The following FRK variants were observed in gnomAD, a reference collection of about 807,000 sequenced individuals.
FRK encodes fyn related Src family tyrosine kinase.
A neutral mutation model predicts 56.4 loss-of-function variants in FRK; 51 were observed. That is an observed-to-expected ratio of 0.90 (90% confidence interval 0.72 to 1.14). The LOEUF (loss-of-function observed/expected upper bound fraction) is 1.14. Among genes scored for constraint, FRK ranks in the 50% most tolerant of loss-of-function variants. The pLI, the probability that FRK is intolerant of heterozygous loss-of-function variation, is 0.00. For synonymous variants in FRK, 245 were observed against 217.9 expected (o/e 1.12, Z -1.10); for missense variants, 570 against 601.4 (o/e 0.95, Z 0.55).
At chr6:115,968,124 T>A (rs1467863118) in intron 3 of FRK, among the ~76,000 whole-genome samples, 3 of 152,228 alleles carry the variant, frequency 2.0e-5, no homozygotes, top group Non-Finnish European at 2.9e-5. Flanking sequence ...TATTTTTGCA[T>A]AATTAAATGT....
At chr6:116,036,480 A>G (rs1776484494) in intron 1 of FRK, among the ~76,000 whole-genome samples, 1 of 152,182 alleles carries the variant, frequency 6.6e-6, no homozygotes, top group African/African-American at 2.4e-5. Context: ...TTGAAAAATA[A>G]TTTGGGATCA....
chr6:116,020,755 T>C (rs1404004768), intron 1 of FRK, among the ~76,000 whole-genome samples: 3 of 152,196 alleles, frequency 2.0e-5, no homozygotes, highest in Non-Finnish European at 4.4e-5. Context: ...TTTTTCCAAC[T>C]CCTTGAGTTT....
chr6:116,019,389 A>C (rs746914471), intron 1 of FRK, among the ~76,000 whole-genome samples: 7 of 152,206 alleles, frequency 4.6e-5, no homozygotes, highest in Non-Finnish European at 1.0e-4. Flanking sequence ...GAATATAGAG[A>C]GAATATACTG....
chr6:115,966,061 T>A (rs796993814), intron 4 of FRK, among the ~76,000 whole-genome samples: 1,739 of 14,616 alleles, frequency 0.12, 25 homozygotes, highest in Non-Finnish European at 0.15. Flanking sequence ...AAAAAAAAAA[T>A]TAAAAAAAAA....
chr6:116,084,858 T>C, the FRK span, among the ~76,000 whole-genome samples: 1 of 152,224 alleles, frequency 6.6e-6, no homozygotes, highest in Non-Finnish European at 1.5e-5. Context: ...GTGATTATAA[T>C]GATTCTCTAT....
the FRK span, among the ~76,000 whole-genome samples, chr6:116,079,683 T>C: frequency 1.3e-5 from 2 of 152,146 alleles, no homozygotes; most frequent in African/African-American, 2.4e-5. Context: ...CTTGACCTTC[T>C]GGGCTAAAAT....
rs1562246606 is a variant in FRK, at chr6:115,942,534, CATG to C, written c.1395_1397del (p.Ile465del). ...TAGGCTCTGCATTCCAGCACTCCAA[CATG>C]ATGTTGTAAAATTGCTGTGGACAGT... is the stretch of plus-strand genomic sequence containing the variant. On this transcript the variant is annotated inframe_deletion, in exon 8 of 8. Transcript: ENST00000606080. 2 of 1,613,758 alleles carry C rather than the reference CATG, an allele frequency of 1.2e-6. No individual in the cohort carries two copies. The highest frequency in any genetic ancestry group is 1.7e-6 in the Non-Finnish European group (2 of 1,179,786).
intron 2 of FRK, among the ~76,000 whole-genome samples, chr6:115,988,652 G>A (rs1335703289): frequency 1.3e-5 from 2 of 151,960 alleles, no homozygotes; most frequent in African/African-American, 4.8e-5. Context: ...GCCCACAGAT[G>A]TAAATTAAGA....
At chr6:115,958,264 G>A (rs1382000185) in intron 4 of FRK, among the ~76,000 whole-genome samples, 2 of 107,054 alleles carry the variant, frequency 1.9e-5, no homozygotes, top group Middle Eastern at 4.6e-3. Flanking sequence ...ATAATATAGT[G>A]GGGAATCCCC....
the FRK span, among the ~76,000 whole-genome samples, chr6:116,081,183 C>G: frequency 6.6e-6 from 1 of 152,200 alleles, no homozygotes; most frequent in Non-Finnish European, 1.5e-5. Flanking sequence ...CCTCCCACAA[C>G]ATGCAGGGAT....
At chr6:116,059,880 A>C (rs924164391) in intron 1 of FRK, 88 bp downstream of exon 1, 2 of 1,137,602 alleles carry the variant, frequency 1.8e-6, no homozygotes, top group East Asian at 2.4e-5. Flanking sequence ...CTCTTTGGAC[A>C]TTAGGGGGTT....
At chr6:116,098,438 A>G in the FRK span, among the ~76,000 whole-genome samples, 5 of 152,062 alleles carry the variant, frequency 3.3e-5, no homozygotes, top group Non-Finnish European at 7.4e-5. Flanking sequence ...GGCTCCTCAC[A>G]TGGCCTTTCT....
At chr6:116,055,803 T>C (rs1777372559) in intron 1 of FRK, among the ~76,000 whole-genome samples, 1 of 152,196 alleles carries the variant, frequency 6.6e-6, no homozygotes, top group South Asian at 2.1e-4. Flanking sequence ...GAATATGACC[T>C]AGAAAAATGT....
chr6:116,071,994 T>C, the FRK span, among the ~76,000 whole-genome samples: 1 of 152,176 alleles, frequency 6.6e-6, no homozygotes, highest in African/African-American at 2.4e-5. Context: ...CATCCCCTGC[T>C]AGATATCAGG....
At chr6:116,022,383 T>C (rs571036530) in intron 1 of FRK, among the ~76,000 whole-genome samples, 2 of 152,204 alleles carry the variant, frequency 1.3e-5, no homozygotes, top group Admixed American at 1.3e-4. Context: ...AAAAGGAAAC[T>C]ACAGATGAAT....
chr6:116,086,009 CTT>C, the FRK span, among the ~76,000 whole-genome samples: 2 of 144,958 alleles, frequency 1.4e-5, no homozygotes, highest in Non-Finnish European at 3.0e-5. Flanking sequence ...GTCCAAATGA[CTT>C]TTTTTTTTTT....
At chr6:116,087,085 G>C in the FRK span, among the ~76,000 whole-genome samples, 2 of 152,210 alleles carry the variant, frequency 1.3e-5, no homozygotes, top group African/African-American at 4.8e-5. Flanking sequence ...ATGAATGAAA[G>C]AAGCATTGCC....
chr6:116,011,006 C>T (rs117783805), intron 1 of FRK, among the ~76,000 whole-genome samples: 216 of 151,946 alleles, frequency 1.4e-3, no homozygotes, highest in Non-Finnish European at 2.2e-3. Flanking sequence ...GGCAGTAGGC[C>T]ATTTTACTAA....
chr6:115,944,272 G>C lies in FRK; in HGVS notation c.1112C>G (p.Ala371Gly). Reference sequence around the variant, plus strand: ...AAAAACTCTGGCAAGTCCAAAATCTGCTACTTTGTAGATATTATGTTCACC... The same window carrying C: ...AAAAACTCTGGCAAGTCCAAAATCTCCTACTTTGTAGATATTATGTTCACC... The part of the protein sequence containing the change: ...LVGEHNIYKV[A>G]DFGLARVFKV... The change falls in exon 6 of 8, where the codon GCA becomes GGA. Residue 371 changes from alanine (A) to glycine (G), a missense_variant. By Grantham distance (60) the Ala-to-Gly change is moderately conservative (BLOSUM62 0). Transcript: ENST00000606080. 1 of 1,609,062 alleles carries C rather than the reference G, an allele frequency of 6.2e-7. No individual in the cohort carries two copies. The highest frequency in any genetic ancestry group is 8.5e-7 in the Non-Finnish European group (1 of 1,178,784).
Sources: allele counts gnomAD v4.1 joint callset (sites outside exome capture counted in the v4.1 genomes callset), GRCh38; gene constraint gnomAD v4.1.1; transcripts MANE v1.5; gene names NCBI Gene and HGNC (gene_info 2026-07-23, HGNC 2026-07-21).